The following PPP1R36 variants were observed in gnomAD, a reference collection of about 807,000 sequenced individuals.
PPP1R36 encodes the protein chromosome 14 open reading frame 50.
A neutral mutation model predicts 53.4 loss-of-function variants in PPP1R36; 47 were observed. That is an observed-to-expected ratio of 0.88 (90% confidence interval 0.70 to 1.12). PPP1R36 has a LOEUF of 1.12. PPP1R36 is among the 50% of genes most tolerant of loss of function. The pLI, the probability that PPP1R36 is intolerant of heterozygous loss-of-function variation, is 0.00. For synonymous variants in PPP1R36, 153 were observed against 170.5 expected (o/e 0.90, Z 0.80); for missense variants, 456 against 513.9 (o/e 0.89, Z 1.09).
At chr14:64,557,438 CAG>C (rs748600628) in intron 3 of PPP1R36, among the ~76,000 whole-genome samples, 3 of 152,052 alleles carry the variant, frequency 2.0e-5, no homozygotes, top group East Asian at 3.9e-4. Context: ...GGGGGACAAA[CAG>C]GGGAGGAGGA....
intron 3 of PPP1R36, among the ~76,000 whole-genome samples, chr14:64,562,519 T>C (rs1038766419): frequency 6.6e-6 from 1 of 152,108 alleles, no homozygotes. Flanking sequence ...ATTGTGAGCA[T>C]AGGCTGCTTT....
At chr14:64,561,233 T>G (rs1431553063) in intron 3 of PPP1R36, among the ~76,000 whole-genome samples, 3 of 152,152 alleles carry the variant, frequency 2.0e-5, no homozygotes, top group Non-Finnish European at 4.4e-5. Context: ...ATTCTGAAGC[T>G]CAGATCAAGA....
chr14:64,558,404 C>T lies in PPP1R36; in HGVS notation c.182+5543C>T, dbSNP rs368570645. Among the ~76,000 whole-genome samples the T allele has an allele frequency of 3.3e-5, 5 of 152,142 alleles. No homozygotes were observed. The East Asian group carries it at 9.7e-4, about 29-fold the overall frequency. ...ACCAGCCTGGGCAACATAGCAAGAC[C>T]CTGTCTTTACCAAAAATGGACAAAA... On this transcript the variant is annotated intron_variant, in intron 3 of 11. Transcript: ENST00000298705.
chr14:64,568,178 T>A (rs924805243), intron 6 of PPP1R36, among the ~76,000 whole-genome samples, 171 bp from the exon 7 acceptor site: 4 of 152,212 alleles, frequency 2.6e-5, no homozygotes, highest in Non-Finnish European at 5.9e-5. Context: ...CTTAAATTTT[T>A]AAATATATAG....
chr14:64,577,007 G>T (rs766851878), intron 8 of PPP1R36, among the ~76,000 whole-genome samples: 36 of 152,198 alleles, frequency 2.4e-4, no homozygotes, highest in Middle Eastern at 3.2e-3. Context: ...AAGTACCATA[G>T]ACAGGGTGGC....
chr14:64,564,090 C>T (rs956924477), intron 3 of PPP1R36, among the ~76,000 whole-genome samples: 2 of 152,268 alleles, frequency 1.3e-5, no homozygotes, highest in South Asian at 2.1e-4. Context: ...AAACTCATTA[C>T]GGCTTAGTAG....
intron 7 of PPP1R36, among the ~76,000 whole-genome samples, chr14:64,574,115 G>A (rs1048020474): frequency 1.6e-4 from 25 of 152,016 alleles, no homozygotes; most frequent in African/African-American, 5.8e-4. Flanking sequence ...ACTGGCTCAC[G>A]CCTGCCATCC....
chr14:64,555,742 G>A (rs1454976935), intron 3 of PPP1R36, among the ~76,000 whole-genome samples: 2 of 152,010 alleles, frequency 1.3e-5, no homozygotes, highest in Non-Finnish European at 2.9e-5. Context: ...AAAAAAAATT[G>A]CAAAATACTA....
At chr14:64,560,297 C>A (rs1041400845) in intron 3 of PPP1R36, among the ~76,000 whole-genome samples, 1 of 151,616 alleles carries the variant, frequency 6.6e-6, no homozygotes, top group Non-Finnish European at 1.5e-5. Flanking sequence ...CAAAAATTAG[C>A]CAGGCATGGT....
chr14:64,586,686 C>A, intron 8 of PPP1R36, 151 bp from the exon 9 acceptor site: 1 of 555,720 alleles, frequency 1.8e-6, no homozygotes, highest in Non-Finnish European at 3.2e-6. Context: ...AGTATTGAGA[C>A]TCTTTATCAA....
chr14:64,576,605 G>T (rs1467143254), intron 8 of PPP1R36, among the ~76,000 whole-genome samples: 1 of 152,060 alleles, frequency 6.6e-6, no homozygotes, highest in African/African-American at 2.4e-5. Flanking sequence ...TTGTTTTGTT[G>T]GTTGTATCTT....
At chr14:64,585,369 A>G (rs2080423768) in intron 8 of PPP1R36, among the ~76,000 whole-genome samples, 1 of 151,974 alleles carries the variant, frequency 6.6e-6, no homozygotes, top group Admixed American at 6.6e-5. Context: ...TACAAAAATT[A>G]GCTGGTCATG....
chr14:64,571,170 A>T (rs1251092057), intron 7 of PPP1R36, among the ~76,000 whole-genome samples: 1 of 152,154 alleles, frequency 6.6e-6, no homozygotes, highest in East Asian at 1.9e-4. Flanking sequence ...CCATCAACCA[A>T]GCTGGAGTGC....
chr14:64,583,811 C>CAAAAA (rs529491293), intron 8 of PPP1R36, among the ~76,000 whole-genome samples: 1 of 30,048 alleles, frequency 3.3e-5, no homozygotes, highest in Non-Finnish European at 6.8e-5. Flanking sequence ...AACTCCATCT[C>CAAAAA]AAAAAAAAAA....
Position 64,588,234 on chromosome 14 carries a change from G to GTCAGATTCCCAGCCGAGATGCA in PPP1R36, c.1022_1043dup (p.Gln348HisfsTer41). 1 of 1,614,068 alleles carries GTCAGATTCCCAGCCGAGATGCA rather than the reference G, an allele frequency of 6.2e-7. No homozygotes were observed. The highest frequency in any genetic ancestry group is 8.5e-7 in the Non-Finnish European group (1 of 1,179,952). ...TGAGAAAAAGTATCATCAAGTAGACGTCAGATTCCCAGCCGAGATGCAAAA... is the reference window on the plus strand; with the variant it reads ...TGAGAAAAAGTATCATCAAGTAGACGTCAGATTCCCAGCCGAGATGCATCAGATTCCCAGCCGAGATGCAAAA... On this transcript the variant is annotated frameshift_variant, in exon 11 of 12. Coordinates refer to ENST00000298705, the MANE Select transcript of PPP1R36 (RefSeq NM_172365.3). LOFTEE classifies it high-confidence loss of function.
At chr14:64,550,359 G>A (rs1209117766) in intron 1 of PPP1R36, 2 of 1,040,072 alleles carry the variant, frequency 1.9e-6, no homozygotes, top group East Asian at 8.9e-5. Context: ...GACCTACTGC[G>A]GGGGAAGCAG....
At chr14:64,552,977 T>G (rs1179153389) in intron 3 of PPP1R36, 116 bp downstream of exon 3, 1 of 796,822 alleles carries the variant, frequency 1.3e-6, no homozygotes, top group Non-Finnish European at 1.9e-6. Context: ...AAGTGCCAAT[T>G]TTTTTTTTTT....
Position 64,558,855 on chromosome 14 carries a change from C to CA in PPP1R36, c.183-5893dup, listed in dbSNP as rs200391010. 9.9e-3 allele frequency among the ~76,000 whole-genome samples: 1,511 copies of CA among 152,052 alleles called. 16 individuals are homozygous for CA. Among genetic ancestry groups the CA allele is most frequent in the South Asian group, 0.032 (156 of 4,812 alleles). ...TTCACAATGTTGGCTAGGTTGGCCT[C>CA]AAACTCCTGACCTCAGGTGATCTGC... On this transcript the variant is annotated intron_variant, in intron 3 of 11. Coordinates refer to ENST00000298705, the MANE Select transcript of PPP1R36 (RefSeq NM_172365.3).
rs138830945 is a variant in PPP1R36 at position 64,575,993 on chromosome 14, G to T, written c.668+1404G>T. Among the ~76,000 whole-genome samples the T allele has an allele frequency of 2.6e-5, 4 of 151,606 alleles. No individual in the cohort carries two copies. In the East Asian group the frequency reaches 5.8e-4, roughly 22 times the overall value. ...ATTACCATCAGCAGTAAGTATATCTGGTTGCATTGGGTTTTATTACTTTAA... is the reference window on the plus strand; with the variant it reads ...ATTACCATCAGCAGTAAGTATATCTTGTTGCATTGGGTTTTATTACTTTAA... On this transcript the variant is annotated intron_variant, in intron 8 of 11. Transcript: ENST00000298705.
Sources: allele counts gnomAD v4.1 joint callset (sites outside exome capture counted in the v4.1 genomes callset), GRCh38; gene constraint gnomAD v4.1.1; transcripts MANE v1.5; gene names NCBI Gene and HGNC (gene_info 2026-07-23, HGNC 2026-07-21).